ZYG11B: variants seen among roughly 807,000 people sequenced by gnomAD.
ZYG11B encodes zyg-11 family member B, cell cycle regulator.
In ZYG11B, 36 loss-of-function variants were observed where a neutral mutation model predicts 82.4. The ratio of observed to expected loss-of-function variants is 0.44; its 90% CI spans 0.33 to 0.58. The LOEUF (loss-of-function observed/expected upper bound fraction) is 0.58. ZYG11B is among the 20% of genes least tolerant of loss of function. The pLI, the probability that ZYG11B is intolerant of heterozygous loss-of-function variation, is 0.02. For synonymous variants in ZYG11B, 303 were observed against 312.8 expected, an observed-to-expected ratio of 0.97 and a Z score of 0.33; for missense variants, 552 against 895.6, an observed-to-expected ratio of 0.62 and a Z score of 4.90.
intron 3 of ZYG11B, among the ~76,000 whole-genome samples, chr1:52,775,456 C>G (rs1217926934): frequency 6.6e-6 from 1 of 150,600 alleles, no homozygotes; most frequent in African/African-American, 2.4e-5. Flanking sequence ...TTTGGGAGGC[C>G]AAGGCGGGCG....
chr1:52,744,894 T>G (rs1403904621), intron 1 of ZYG11B, among the ~76,000 whole-genome samples: 1 of 152,170 alleles, frequency 6.6e-6, no homozygotes, highest in East Asian at 1.9e-4. Flanking sequence ...CTTTCTTAAC[T>G]GTAAAATGAA....
intron 8 of ZYG11B, among the ~76,000 whole-genome samples, chr1:52,798,991 T>C (rs1571789271): frequency 1.3e-5 from 2 of 152,212 alleles, no homozygotes; most frequent in East Asian, 1.9e-4. Context: ...TTGATAAATA[T>C]GTATAAAGTA....
intron 10 of ZYG11B, chr1:52,805,374 T>C: frequency 2.3e-6 from 1 of 431,782 alleles, no homozygotes; most frequent in Non-Finnish European, 4.7e-6. Context: ...TCTGTTGTTG[T>C]AGCCTTCATT....
intron 2 of ZYG11B, among the ~76,000 whole-genome samples, chr1:52,764,908 T>G (rs1452680140): frequency 6.6e-6 from 1 of 152,186 alleles, no homozygotes; most frequent in Non-Finnish European, 1.5e-5. Context: ...ATTTCCCCAG[T>G]AAACTAGTGT....
chr1:52,779,824 T>A, intron 3 of ZYG11B, 29 bp from the exon 4 acceptor site: 1 of 1,610,164 alleles, frequency 6.2e-7, no homozygotes, highest in Non-Finnish European at 8.5e-7. Flanking sequence ...GAGAGAGAAT[T>A]CTAAAAGCTA....
chr1:52,726,794 C>A, intron 1 of ZYG11B, 111 bp downstream of exon 1: 2 of 1,124,810 alleles, frequency 1.8e-6, no homozygotes, highest in South Asian at 2.0e-5. Flanking sequence ...CCCTCGGGCT[C>A]CCTGCCTTTA....
rs902986572 is a variant in ZYG11B, at chr1:52,785,729, A to C, written c.1269+676A>C. Reference sequence around the variant, plus strand: ...CTTAACTTCTGAAAATGCTGGGATTACAGCCACCTCACCCGGCCCTTAACT... The same window carrying C: ...CTTAACTTCTGAAAATGCTGGGATTCCAGCCACCTCACCCGGCCCTTAACT... On this transcript the variant is annotated intron_variant, in intron 5 of 13. Coordinates refer to ENST00000294353, the MANE Select transcript of ZYG11B (RefSeq NM_024646.3). Among the ~76,000 whole-genome samples the C allele has an allele frequency of 2.6e-5, 4 of 152,314 alleles. No individual in the cohort carries two copies. The East Asian group carries it at 5.8e-4, about 22-fold the overall frequency.
intron 10 of ZYG11B, among the ~76,000 whole-genome samples, chr1:52,806,041 A>G (rs2026442): frequency 0.057 from 8,588 of 150,904 alleles, 599 homozygotes; most frequent in East Asian, 0.35. Flanking sequence ...TTCCTTCCAT[A>G]TTTTTCTCTG....
chr1:52,815,930 G>A (rs574311267), intron 12 of ZYG11B, among the ~76,000 whole-genome samples: 1 of 150,076 alleles, frequency 6.7e-6, no homozygotes, highest in Admixed American at 6.6e-5. Context: ...GCGAGACTCC[G>A]TATCAAAATA....
chr1:52,809,816 G>T (rs1177515656), intron 10 of ZYG11B, among the ~76,000 whole-genome samples: 1 of 151,882 alleles, frequency 6.6e-6, no homozygotes, highest in African/African-American at 2.4e-5. Context: ...TGTCTTCTTC[G>T]GAGAAATATC....
chr1:52,802,033 T>C (rs1645079348), intron 9 of ZYG11B, 53 bp downstream of exon 9: 1 of 1,582,670 alleles, frequency 6.3e-7, no homozygotes, highest in Admixed American at 1.9e-5. Context: ...TTATTTACTT[T>C]AGCATTTATT....
chr1:52,768,972 T>A (rs1395472040), intron 2 of ZYG11B, among the ~76,000 whole-genome samples: 2 of 152,324 alleles, frequency 1.3e-5, no homozygotes, highest in South Asian at 4.1e-4. Context: ...TCCCATCAAA[T>A]CTTTTCCAGA....
intron 3 of ZYG11B, among the ~76,000 whole-genome samples, chr1:52,776,229 A>AAAAAAAAAATATATACATAT: frequency 4.2e-5 from 1 of 23,536 alleles, no homozygotes; most frequent in Non-Finnish European, 1.2e-4. Context: ...TAAAAAAAAA[A>AAAAAAAAAATATATACATAT]ATATATATAT....
chr1:52,747,837 ACT>A (rs1414132408), intron 1 of ZYG11B, among the ~76,000 whole-genome samples: 1 of 152,208 alleles, frequency 6.6e-6, no homozygotes, highest in African/African-American at 2.4e-5. Flanking sequence ...TCTAATCCTG[ACT>A]CTACCATTTA....
intron 10 of ZYG11B, among the ~76,000 whole-genome samples, chr1:52,806,393 C>G (rs1220877649): frequency 1.3e-5 from 2 of 152,174 alleles, no homozygotes; most frequent in Admixed American, 6.6e-5. Flanking sequence ...CCTACCTGTT[C>G]TATCAATTAT....
Position 52,771,684 on chromosome 1 carries a change from T to C in ZYG11B, c.861T>C (p.Phe287=), listed in dbSNP as rs780416331. 1.2e-6 allele frequency: 2 copies of C among 1,614,108 alleles called. No individual in the cohort carries two copies. Among genetic ancestry groups the C allele is most frequent in the Middle Eastern group, 1.6e-4 (1 of 6,084 alleles). Residue 287 remains phenylalanine, a synonymous_variant, in exon 3 of 14, where the codon TTT becomes TTC. Transcript: ENST00000294353. This position sits in a 1 kb window ranked among gnomAD's most constrained non-coding sequence, Gnocchi z 5.4. ...KHVTDKAVEA[F]IQQRPSMQFV... ...TGACAGATAAAGCCGTTGAAGCCTT[T>C]ATACAACAACGTCCAAGCATGCAAT...
chr1:52,775,545 G>A (rs536153664), intron 3 of ZYG11B, among the ~76,000 whole-genome samples: 87 of 152,018 alleles, frequency 5.7e-4, no homozygotes, highest in Non-Finnish European at 1.0e-3. Flanking sequence ...ACAAAAATTA[G>A]CCAGGCATGG....
intron 4 of ZYG11B, among the ~76,000 whole-genome samples, 175 bp from the exon 5 acceptor site, chr1:52,784,702 A>T (rs1644898444): frequency 6.6e-6 from 1 of 152,204 alleles, no homozygotes; most frequent in Non-Finnish European, 1.5e-5. Flanking sequence ...TGCCTTGGTG[A>T]GGTAGACTGG....
intron 3 of ZYG11B, among the ~76,000 whole-genome samples, chr1:52,776,937 T>G (rs1436860699): frequency 1.3e-5 from 2 of 152,114 alleles, no homozygotes; most frequent in Non-Finnish European, 2.9e-5. Flanking sequence ...AGGCTGGAAG[T>G]GGTGGCTCAT....
Sources: allele counts gnomAD v4.1 joint callset (sites outside exome capture counted in the v4.1 genomes callset), GRCh38; gene constraint gnomAD v4.1.1; non-coding constraint Gnocchi (gnomAD v3.1); transcripts MANE v1.5; gene names NCBI Gene and HGNC (gene_info 2026-07-23, HGNC 2026-07-21).